The following SAMD3 variants were observed in gnomAD, a reference collection of about 807,000 sequenced individuals.
SAMD3 encodes sterile alpha motif domain-containing protein 3.
Under a neutral mutation model 58.5 loss-of-function variants are expected in SAMD3, and 63 were observed. That is an observed-to-expected ratio of 1.08 (90% CI 0.88 to 1.33). The LOEUF (loss-of-function observed/expected upper bound fraction) is 1.33. Ranked by LOEUF, SAMD3 falls within the 40% of genes most tolerant of loss-of-function variation. The pLI is 0.00. For synonymous variants in SAMD3, 220 were observed against 210.3 expected, an observed-to-expected ratio of 1.05 and a Z score of -0.40; for missense variants, 604 against 608.4, an observed-to-expected ratio of 0.99 and a Z score of 0.08.
At chr6:130,192,075 C>A (rs1021236603) in intron 5 of SAMD3, among the ~76,000 whole-genome samples, 1 of 152,178 alleles carries the variant, frequency 6.6e-6, no homozygotes, top group African/African-American at 2.4e-5. Flanking sequence ...CATCTGAATC[C>A]CCCACCTGGC....
intron 2 of SAMD3, among the ~76,000 whole-genome samples, chr6:130,242,299 A>G (rs926027456): frequency 5.3e-5 from 8 of 152,232 alleles, no homozygotes; most frequent in African/African-American, 1.9e-4. Flanking sequence ...TGTAGTACAA[A>G]CACTGTCATA....
intron 7 of SAMD3, among the ~76,000 whole-genome samples, chr6:130,179,810 C>CT (rs71028199): frequency 0.83 from 96,426 of 116,216 alleles, 40,637 homozygotes; most frequent in East Asian, 0.96. Flanking sequence ...TGTCCTTATT[C>CT]TTTTTTTTTT....
intron 9 of SAMD3, among the ~76,000 whole-genome samples, chr6:130,153,720 G>A (rs532571794): frequency 6.7e-6 from 1 of 149,390 alleles, no homozygotes; most frequent in East Asian, 2.0e-4. Context: ...GTGTCACCAA[G>A]CTGCAGTACA....
At chr6:130,218,567 T>C (rs999907012) in intron 1 of SAMD3, among the ~76,000 whole-genome samples, 2 of 151,920 alleles carry the variant, frequency 1.3e-5, no homozygotes, top group Non-Finnish European at 2.9e-5. Flanking sequence ...TAGCCCAAAG[T>C]GGGGTGGATG....
rs535381058 is a variant in SAMD3, at chr6:130,194,749, A to C, written c.384-10126T>G. 3.7e-3 allele frequency among the ~76,000 whole-genome samples: 563 copies of C among 152,308 alleles called. 7 individuals carry two copies. Among genetic ancestry groups the C allele is most frequent in the African/African-American group, 0.012 (519 of 41,572 alleles). On this transcript the variant is annotated intron_variant, in intron 5 of 11. Transcript: ENST00000439090. ...CACTTGGCAACCACTCCCAGAGCCC[A>C]TGGAACTCTGGCCCAAGGCTCTCTG...
chr6:130,344,000 C>T (rs1777362258), intron 1 of SAMD3, among the ~76,000 whole-genome samples: 1 of 151,876 alleles, frequency 6.6e-6, no homozygotes, highest in African/African-American at 2.4e-5. Context: ...AAGGACACCC[C>T]TTTTACCTCA....
chr6:130,214,840 C>T (rs772437753), intron 3 of SAMD3, among the ~76,000 whole-genome samples: 4 of 152,118 alleles, frequency 2.6e-5, no homozygotes, highest in African/African-American at 7.2e-5. Context: ...AATTATTCTT[C>T]GTAATAGCTC....
At chr6:130,220,268 G>A (rs957349401) in intron 1 of SAMD3, among the ~76,000 whole-genome samples, 13 of 152,284 alleles carry the variant, frequency 8.5e-5, no homozygotes, top group African/African-American at 3.1e-4. Flanking sequence ...CCAGAGTGCT[G>A]GGATTACAGG....
intron 2 of SAMD3, among the ~76,000 whole-genome samples, chr6:130,303,206 G>A (rs939805292): frequency 1.3e-5 from 2 of 151,928 alleles, no homozygotes; most frequent in Non-Finnish European, 2.9e-5. Flanking sequence ...TGTAAGTAGG[G>A]GTCCTCTTCA....
chr6:130,245,315 C>T (rs889414758), intron 2 of SAMD3, among the ~76,000 whole-genome samples: 2 of 152,176 alleles, frequency 1.3e-5, no homozygotes, highest in African/African-American at 2.4e-5. Context: ...GAACAAGTAA[C>T]GTTATTTCAA....
chr6:130,154,708 AAAAAAAAAAAATATAT>A (rs1267185970), intron 9 of SAMD3, 101 bp downstream of exon 9: 8 of 143,068 alleles, frequency 5.6e-5, no homozygotes, highest in Non-Finnish European at 7.5e-5. Flanking sequence ...AAAAAAAAAA[AAAAAAAAAAAATATAT>A]ATATATATAT....
intron 2 of SAMD3, among the ~76,000 whole-genome samples, chr6:130,306,986 C>CTAT (rs1197114579): frequency 2.0e-5 from 3 of 152,186 alleles, no homozygotes; most frequent in Non-Finnish European, 4.4e-5. Flanking sequence ...GATGATCTAG[C>CTAT]TATTGTTCTG....
chr6:130,357,575 ATT>A (rs1469248081), intron 1 of SAMD3, among the ~76,000 whole-genome samples: 4 of 152,178 alleles, frequency 2.6e-5, no homozygotes, highest in Admixed American at 2.6e-4. Context: ...TTAAGAGAGT[ATT>A]TTTGCATAGG....
At chr6:130,195,638 G>A (rs966611962) in intron 5 of SAMD3, among the ~76,000 whole-genome samples, 15 of 151,844 alleles carry the variant, frequency 9.9e-5, no homozygotes, top group African/African-American at 1.5e-4. Flanking sequence ...GCCTCTCTTC[G>A]CTTTCACTTG....
At chr6:130,152,354 GA>G (rs982963074) in intron 9 of SAMD3, among the ~76,000 whole-genome samples, 4 of 152,066 alleles carry the variant, frequency 2.6e-5, no homozygotes, top group African/African-American at 9.7e-5. Flanking sequence ...GTACTTCCTG[GA>G]AAAACCGAAA....
At chr6:130,215,451 T>G (rs564064100) in intron 2 of SAMD3, 157 bp from the exon 3 acceptor site, 2 of 1,288,016 alleles carry the variant, frequency 1.6e-6, no homozygotes, top group Admixed American at 3.8e-5. Context: ...ATTTAAAAAT[T>G]GCTAACAAAA....
At chr6:130,195,624 C>T (rs1185892176) in intron 5 of SAMD3, among the ~76,000 whole-genome samples, 1 of 152,154 alleles carries the variant, frequency 6.6e-6, no homozygotes, top group Non-Finnish European at 1.5e-5. Context: ...CACCCTTCAT[C>T]CCAGCCTCTC....
intron 8 of SAMD3, among the ~76,000 whole-genome samples, chr6:130,156,962 C>A (rs770978390): frequency 6.6e-6 from 1 of 151,824 alleles, no homozygotes; most frequent in Non-Finnish European, 1.5e-5. Context: ...CCCAGCTACC[C>A]GGGGGACTGA....
intron 9 of SAMD3, among the ~76,000 whole-genome samples, chr6:130,154,486 G>GTCC (rs1283040943): frequency 2.0e-5 from 3 of 151,490 alleles, no homozygotes; most frequent in Admixed American, 2.0e-4. Context: ...CTGAGGTCAG[G>GTCC]AGTTCAAGAC....
Sources: allele counts gnomAD v4.1 joint callset (sites outside exome capture counted in the v4.1 genomes callset), GRCh38; gene constraint gnomAD v4.1.1; transcripts MANE v1.5; gene names NCBI Gene and HGNC (gene_info 2026-07-23, HGNC 2026-07-21).